TBL1X: variants seen among roughly 807,000 people sequenced by gnomAD.
TBL1X encodes the protein F-box-like/WD repeat-containing protein TBL1X.
A neutral mutation model predicts 50.7 loss-of-function variants in TBL1X; 10 were observed. The ratio of observed to expected loss-of-function variants is 0.20; its 90% CI spans 0.12 to 0.33. TBL1X has a LOEUF of 0.33. TBL1X is among the 10% of genes least tolerant of loss of function. The probability of loss-of-function intolerance (pLI) is 1.00; values close to 1 mark genes in which losing one functional copy is unlikely to be tolerated. For missense variants in TBL1X, 340 were observed against 504.4 expected, an observed-to-expected ratio of 0.67 and a Z score of 3.12; for synonymous variants, 190 against 214.7, an observed-to-expected ratio of 0.88 and a Z score of 1.01.
At chrX:9,551,609 G>A (rs2082271447) in intron 2 of TBL1X, among the ~76,000 whole-genome samples, 1 of 111,563 alleles carries the variant, frequency 9.0e-6, no homozygotes, top group Admixed American at 9.5e-5. Context: ...AGGCAGAGAG[G>A]CTCTCAGGCT....
At chrX:9,589,580 C>G (rs1227122674) in intron 2 of TBL1X, among the ~76,000 whole-genome samples, 4 of 111,577 alleles carry the variant, frequency 3.6e-5, no homozygotes, top group African/African-American at 1.3e-4. Flanking sequence ...AATCCCTGAA[C>G]ACACTAAGCA....
At chrX:9,556,308 CT>C (rs1317736627) in intron 2 of TBL1X, among the ~76,000 whole-genome samples, 1 of 110,853 alleles carries the variant, frequency 9.0e-6, no homozygotes, top group African/African-American at 3.3e-5. Context: ...GTTTCTGTGG[CT>C]GCTGTAACAA....
intron 5 of TBL1X, among the ~76,000 whole-genome samples, chrX:9,664,609 A>C (rs1439854896): frequency 9.0e-6 from 1 of 111,693 alleles, no homozygotes; most frequent in African/African-American, 3.3e-5. Context: ...CTCATTTACC[A>C]GTGAGTCTTA....
intron 2 of TBL1X, among the ~76,000 whole-genome samples, chrX:9,600,760 A>T (rs768867439): frequency 8.9e-6 from 1 of 111,873 alleles, no homozygotes; most frequent in East Asian, 2.8e-4. Flanking sequence ...ATTGGGTAGG[A>T]CAGGCCTGAA....
intron 2 of TBL1X, among the ~76,000 whole-genome samples, chrX:9,552,475 C>A (rs887067883): frequency 8.9e-6 from 1 of 111,865 alleles, no homozygotes; most frequent in Non-Finnish European, 1.9e-5. Context: ...ACTTAAACCA[C>A]GACACTTCCA....
intron 1 of TBL1X, among the ~76,000 whole-genome samples, chrX:9,474,025 G>A (rs193257988): frequency 1.2e-3 from 139 of 112,443 alleles, no homozygotes; most frequent in Middle Eastern, 4.6e-3. Context: ...AAGGACAGGG[G>A]ACAGAAATGA....
intron 12 of TBL1X, among the ~76,000 whole-genome samples, chrX:9,699,396 G>A (rs2083155531): frequency 8.9e-6 from 1 of 112,114 alleles, no homozygotes. Context: ...GAAGTGGGTA[G>A]GTGCCACTTC....
intron 5 of TBL1X, among the ~76,000 whole-genome samples, chrX:9,675,792 G>A (rs1457503555): frequency 3.7e-5 from 4 of 109,059 alleles, no homozygotes; most frequent in Non-Finnish European, 5.7e-5. Context: ...TCGAGAGGCT[G>A]AGGCAGGAGA....
intron 2 of TBL1X, among the ~76,000 whole-genome samples, chrX:9,610,958 T>A (rs1336061322): frequency 8.9e-6 from 1 of 111,945 alleles, no homozygotes; most frequent in Non-Finnish European, 1.9e-5. Context: ...CTTGAATGAA[T>A]CATTTCCTGC....
At chrX:9,659,851 G>T (rs192628611) in intron 5 of TBL1X, among the ~76,000 whole-genome samples, 1 of 112,462 alleles carries the variant, frequency 8.9e-6, no homozygotes, top group African/African-American at 3.2e-5. Context: ...CGCTCATGAA[G>T]TGTGATTCTT....
intron 2 of TBL1X, among the ~76,000 whole-genome samples, chrX:9,544,713 C>A (rs1286670909): frequency 9.1e-6 from 1 of 110,477 alleles, no homozygotes; most frequent in Non-Finnish European, 1.9e-5. Flanking sequence ...TAGGCATGCA[C>A]CACCACGCCC....
intron 2 of TBL1X, chrX:9,637,842 T>C (rs1299038681): frequency 9.0e-6 from 1 of 111,456 alleles, no homozygotes; most frequent in Admixed American, 9.6e-5. Flanking sequence ...CCACAAGTTG[T>C]GCACATCCTT....
At chrX:9,692,431 G>A (rs989079940) in intron 9 of TBL1X, among the ~76,000 whole-genome samples, 177 bp downstream of exon 9, 2 of 111,664 alleles carry the variant, frequency 1.8e-5, no homozygotes. Flanking sequence ...ATTTTGAGAC[G>A]GAGTCTTGCT....
intron 5 of TBL1X, among the ~76,000 whole-genome samples, chrX:9,665,087 G>A (rs1273046886): frequency 3.7e-5 from 4 of 109,539 alleles, no homozygotes; most frequent in Non-Finnish European, 5.7e-5. Context: ...CCTTCATCTT[G>A]TGTTCTCCTT....
intron 2 of TBL1X, among the ~76,000 whole-genome samples, chrX:9,569,763 A>C (rs1317086647): frequency 8.9e-6 from 1 of 112,480 alleles, no homozygotes; most frequent in Non-Finnish European, 1.9e-5. Flanking sequence ...GGTAGTTGTC[A>C]CGGAAAGGGG....
intron 1 of TBL1X, among the ~76,000 whole-genome samples, chrX:9,480,917 A>G (rs1371340616): frequency 9.0e-6 from 1 of 111,170 alleles, no homozygotes; most frequent in Non-Finnish European, 1.9e-5. Flanking sequence ...CTGTATTTGT[A>G]TGAATGTGTT....
chrX:9,573,936 A>G (rs1195175968), intron 2 of TBL1X, among the ~76,000 whole-genome samples: 3 of 112,414 alleles, frequency 2.7e-5, no homozygotes, highest in Non-Finnish European at 5.6e-5. Flanking sequence ...GGAACAGGGT[A>G]GGCCAGGGGA....
At position 9,655,693 on chromosome X, in the gene TBL1X, G is replaced by T. The variant is rs184935318; in HGVS notation, c.211+1371G>T. Among the ~76,000 whole-genome samples the T allele has an allele frequency of 1.4e-3, 151 of 111,706 alleles. 1 individual carries two copies. The highest frequency in any genetic ancestry group is 4.6e-3 in the African/African-American group (143 of 30,755). ...TTGATTATTTGAAAAGGAAACCCCA[G>T]TTCCTAGGCCCCGTCCTCCCAGAGA... On this transcript the variant is annotated intron_variant, in intron 5 of 17. Transcript: ENST00000645353.
At chrX:9,685,719 T>TA (rs2083054691) in intron 6 of TBL1X, among the ~76,000 whole-genome samples, 1 of 63,916 alleles carries the variant, frequency 1.6e-5, no homozygotes, top group South Asian at 7.5e-4. Flanking sequence ...TTTCTTTTCT[T>TA]TTTTTTTTTT....
Sources: allele counts gnomAD v4.1 joint callset (sites outside exome capture counted in the v4.1 genomes callset), GRCh38; gene constraint gnomAD v4.1.1; transcripts MANE v1.5; gene names NCBI Gene and HGNC (gene_info 2026-07-23, HGNC 2026-07-21).